ARHGAP6: variants seen among roughly 807,000 people sequenced by gnomAD.
ARHGAP6 encodes the protein rho GTPase-activating protein 6.
ARHGAP6 carries 16 observed loss-of-function variants against 55.7 expected under a neutral mutation model. The ratio of observed to expected loss-of-function variants is 0.29; its 90% CI spans 0.19 to 0.44. The LOEUF (loss-of-function observed/expected upper bound fraction) is 0.44, where lower values mean the gene tolerates loss of function less well. Among genes scored for constraint, ARHGAP6 ranks in the 20% least tolerant of loss-of-function variants. ARHGAP6 has a pLI of 1.00. For missense variants in ARHGAP6, 698 were observed against 808.9 expected (o/e 0.86, Z 1.66); for synonymous variants, 382 against 360.9 (o/e 1.06, Z -0.66).
At position 11,638,927 on chromosome X, in the gene ARHGAP6, G is replaced by A. The variant is rs1208811955; in HGVS notation, c.588+25314C>T. Among the ~76,000 whole-genome samples the A allele has an allele frequency of 8.1e-5, 9 of 111,483 alleles. 1 individual carries two copies. The highest frequency in any genetic ancestry group is 7.5e-4 in the South Asian group (2 of 2,661). ...CATTTTTAGATAAACATTAGGCTGC[G>A]GAGGAATGCCACACTTGTAAATGGG... On this transcript the variant is annotated intron_variant, in intron 1 of 12. Transcript: ENST00000337414.
At chrX:11,655,197 T>C (rs964025500) in intron 1 of ARHGAP6, among the ~76,000 whole-genome samples, 3 of 111,900 alleles carry the variant, frequency 2.7e-5, no homozygotes, top group African/African-American at 6.5e-5. Context: ...TCAAAATTCA[T>C]CCAAGGCATA....
chrX:11,448,759 T>C (rs907457718), intron 1 of ARHGAP6, among the ~76,000 whole-genome samples: 2 of 110,907 alleles, frequency 1.8e-5, no homozygotes, highest in Non-Finnish European at 3.8e-5. Context: ...CCCAAATGAG[T>C]GCGTTCATCT....
At chrX:11,305,405 A>C (rs1036986850) in intron 1 of ARHGAP6, among the ~76,000 whole-genome samples, 2 of 112,236 alleles carry the variant, frequency 1.8e-5, no homozygotes. Flanking sequence ...ATTTTTAAAA[A>C]CCGTCCGACA....
intron 2 of ARHGAP6, among the ~76,000 whole-genome samples, chrX:11,216,720 C>CTTCT (rs2147403789): frequency 9.0e-6 from 1 of 111,299 alleles, no homozygotes; most frequent in South Asian, 3.8e-4. Flanking sequence ...TAACTTTTTT[C>CTTCT]TTTTTTTATT....
At chrX:11,334,317 C>A in intron 1 of ARHGAP6, 1 of 121,062 alleles carries the variant, frequency 8.3e-6, no homozygotes, top group South Asian at 3.0e-4. Flanking sequence ...CATCCTTTGT[C>A]ATACAGATGG....
intron 1 of ARHGAP6, among the ~76,000 whole-genome samples, chrX:11,623,065 C>A (rs746932408): frequency 9.1e-6 from 1 of 110,286 alleles, no homozygotes; most frequent in African/African-American, 3.3e-5. Context: ...ATAGCCAGAG[C>A]AATAAGACGA....
intron 1 of ARHGAP6, among the ~76,000 whole-genome samples, chrX:11,544,556 A>G (rs1451329406): frequency 1.8e-5 from 2 of 112,474 alleles, no homozygotes; most frequent in Non-Finnish European, 3.8e-5. Flanking sequence ...ACCCAAAACA[A>G]GTCACTTTTT....
intron 2 of ARHGAP6, among the ~76,000 whole-genome samples, chrX:11,209,778 T>C (rs926682940): frequency 8.9e-6 from 1 of 111,769 alleles, no homozygotes; most frequent in Admixed American, 9.5e-5. Flanking sequence ...CCTGAAATAA[T>C]TGTGAGTGGG....
At chrX:11,348,422 A>G (rs1028610637) in intron 1 of ARHGAP6, among the ~76,000 whole-genome samples, 2 of 111,368 alleles carry the variant, frequency 1.8e-5, no homozygotes, top group African/African-American at 6.6e-5. Flanking sequence ...ATCATGGGAT[A>G]GGGGAAGGAG....
intron 8 of ARHGAP6, 62 bp from the exon 9 acceptor site, chrX:11,169,746 C>A: frequency 2.3e-6 from 2 of 885,016 alleles, no homozygotes; most frequent in South Asian, 3.6e-5. Context: ...CTGGGTGATT[C>A]AACAATCAAT....
At chrX:11,587,531 C>A (rs5935115) in intron 1 of ARHGAP6, among the ~76,000 whole-genome samples, 1 of 110,737 alleles carries the variant, frequency 9.0e-6, no homozygotes, top group African/African-American at 3.3e-5. Context: ...GGAAGACTAG[C>A]GAGACTGGTA....
At chrX:11,342,727 T>C (rs922030521) in intron 1 of ARHGAP6, among the ~76,000 whole-genome samples, 3 of 112,509 alleles carry the variant, frequency 2.7e-5, no homozygotes, top group Non-Finnish European at 5.6e-5. Flanking sequence ...AACTTTATAC[T>C]AGTTTAAGAA....
chrX:11,605,743 T>A (rs1430837010), intron 1 of ARHGAP6, among the ~76,000 whole-genome samples: 1 of 110,761 alleles, frequency 9.0e-6, no homozygotes, highest in East Asian at 2.8e-4. Flanking sequence ...CAGAGGAAAA[T>A]CCTAATAACA....
chrX:11,309,664 T>C (rs948231867), intron 1 of ARHGAP6, among the ~76,000 whole-genome samples: 10 of 111,477 alleles, frequency 9.0e-5, no homozygotes, highest in Non-Finnish European at 1.3e-4. Context: ...GAAAAAATCA[T>C]TTGAAAAAAA....
rs190900012 is a variant in ARHGAP6 at position 11,549,927 on chromosome X, C to A, written c.588+114314G>T. Reference sequence around the variant, plus strand: ...CACTGGTAATCTGTGAAGCACACACCAAGAGGATAATCCCCTGTTAGGGCA... The same window carrying A: ...CACTGGTAATCTGTGAAGCACACACAAAGAGGATAATCCCCTGTTAGGGCA... On this transcript the variant is annotated intron_variant, in intron 1 of 12. Transcript: ENST00000337414. Among the ~76,000 whole-genome samples, 4 of 111,955 alleles carry A rather than the reference C, an allele frequency of 3.6e-5. No homozygotes were observed. The East Asian group carries it at 1.1e-3, about 31-fold the overall frequency.
intron 9 of ARHGAP6, among the ~76,000 whole-genome samples, chrX:11,168,280 C>T (rs1467265968): frequency 1.8e-5 from 2 of 112,351 alleles, no homozygotes; most frequent in African/African-American, 6.5e-5. Flanking sequence ...TGAGGCAGCA[C>T]GTGTTACCCA....
At chrX:11,646,737 G>C (rs1569071464) in intron 1 of ARHGAP6, among the ~76,000 whole-genome samples, 1 of 111,934 alleles carries the variant, frequency 8.9e-6, no homozygotes, top group Non-Finnish European at 1.9e-5. Flanking sequence ...AATGATAGTT[G>C]AAATAAACTA....
At chrX:11,530,616 T>G (rs1480217531) in intron 1 of ARHGAP6, among the ~76,000 whole-genome samples, 3 of 111,818 alleles carry the variant, frequency 2.7e-5, no homozygotes, top group Admixed American at 9.5e-5. Flanking sequence ...GTAACTGAGG[T>G]GCTATTTTAG....
intron 1 of ARHGAP6, among the ~76,000 whole-genome samples, chrX:11,485,260 C>A (rs936911688): frequency 5.4e-5 from 6 of 112,098 alleles, no homozygotes; most frequent in Non-Finnish European, 1.1e-4. Flanking sequence ...AAGTTTCATA[C>A]AGAAAATGTT....
Sources: gnomAD v4.1 joint callset for allele counts (sites outside exome capture counted in the v4.1 genomes callset) on GRCh38, gnomAD v4.1.1 for gene constraint, MANE v1.5 for transcripts, NCBI Gene and HGNC (gene_info 2026-07-23, HGNC 2026-07-21) for gene names.